The following FARP2 variants were observed in gnomAD, a reference collection of about 807,000 sequenced individuals.
FARP2 encodes the protein FERM, ARH/RhoGEF and pleckstrin domain protein 2.
Under a neutral mutation model 130.5 loss-of-function variants are expected in FARP2, and 111 were observed. The ratio of observed to expected loss-of-function variants is 0.85; its 90% CI spans 0.73 to 1.00. The LOEUF (loss-of-function observed/expected upper bound fraction) is 1.00. Ranked by LOEUF, FARP2 falls within the 50% of genes least tolerant of loss-of-function variation. The probability of loss-of-function intolerance (pLI) is 0.00; values close to 1 mark genes in which losing one functional copy is unlikely to be tolerated. For missense variants in FARP2, 1,385 were observed against 1,346.3 expected, an observed-to-expected ratio of 1.03 and a Z score of -0.45; for synonymous variants, 504 against 516.9, an observed-to-expected ratio of 0.98 and a Z score of 0.34.
chr2:241,396,679 G>A (rs1248376409), intron 2 of FARP2, among the ~76,000 whole-genome samples: 3 of 152,118 alleles, frequency 2.0e-5, no homozygotes, highest in East Asian at 3.8e-4. Flanking sequence ...AAAAGTCAGG[G>A]AGCAACAGGT....
intron 1 of FARP2, among the ~76,000 whole-genome samples, chr2:241,363,138 T>G (rs1470394312): frequency 1.3e-5 from 2 of 152,228 alleles, no homozygotes; most frequent in Admixed American, 6.5e-5. Flanking sequence ...TCCCCTGCCC[T>G]GGACTCTGGC....
intron 1 of FARP2, among the ~76,000 whole-genome samples, chr2:241,372,372 C>T (rs919881894): frequency 6.6e-6 from 1 of 152,112 alleles, no homozygotes; most frequent in Non-Finnish European, 1.5e-5. Flanking sequence ...TCATTCAGTT[C>T]CATATGTGAA....
chr2:241,434,302 G>T lies in FARP2; in HGVS notation c.1012G>T (p.Gly338Cys), dbSNP rs1243590278. The part of the protein sequence containing the change: ...PKAKAVFFSR[G>C]SSFRYSGRTQ... ...AGCAAAAGCCGTCTTCTTCAGCCGG[G>T]GCTCCTCCTTCAGATACAGGTAGGG... Residue 338 changes from glycine (G) to cysteine (C), a missense_variant, in exon 10 of 27, where the codon GGC (glycine) becomes TGC (cysteine). Coordinates refer to ENST00000264042, the MANE Select transcript of FARP2 (RefSeq NM_014808.4). The T allele has an allele frequency of 6.2e-7, 1 of 1,612,398 alleles. No individual in the cohort carries two copies. Among genetic ancestry groups the T allele is most frequent in the South Asian group, 1.1e-5 (1 of 90,652 alleles).
Position 241,441,319 on chromosome 2 carries a change from G to C in FARP2, c.1174G>C (p.Glu392Gln), listed in dbSNP as rs146443541. Residue 392 changes from glutamate to glutamine, a missense_variant, in exon 13 of 27, where the codon GAG becomes CAG. Glu to Gln is a conservative substitution (Grantham distance 29, BLOSUM62 2). Transcript: ENST00000264042. Reference sequence around the variant, plus strand: ...TGGTTCCCAGAGCATCTCATTCCCCGAGGGATTGAGGACTCCTGCCTCCCC... The same window carrying C: ...TGGTTCCCAGAGCATCTCATTCCCCCAGGGATTGAGGACTCCTGCCTCCCC... ...DLPKQSISFPEGLRTPASPSS... is the reference protein window; with the variant it reads ...DLPKQSISFPQGLRTPASPSS... 6.3e-7 allele frequency: 1 copy of C among 1,593,550 alleles called. No homozygotes were observed. The highest frequency in any genetic ancestry group is 1.1e-5 in the South Asian group (1 of 89,390).
intron 4 of FARP2, among the ~76,000 whole-genome samples, chr2:241,406,090 T>G (rs2062333231): frequency 1.3e-5 from 2 of 151,998 alleles, no homozygotes; most frequent in Non-Finnish European, 2.9e-5. Flanking sequence ...GATCACAAGG[T>G]CAGGAGATCG....
At position 241,436,118 on chromosome 2, in the gene FARP2, T is replaced by C. The variant is rs575078996; in HGVS notation, c.1101-363T>C. Among the ~76,000 whole-genome samples, 32 of 149,590 alleles carry C rather than the reference T, an allele frequency of 2.1e-4. No homozygotes were observed. The South Asian group carries it at 6.2e-3, about 29-fold the overall frequency. ...TAATAGAGACGGGGTTTCATAATGT[T>C]AGCCAGGATGGTCTTGATCTGACCT... On this transcript the variant is annotated intron_variant, in intron 11 of 26. Coordinates refer to ENST00000264042, the MANE Select transcript of FARP2 (RefSeq NM_014808.4).
At chr2:241,472,024 G>A (rs1275052224) in intron 18 of FARP2, among the ~76,000 whole-genome samples, 1 of 95,210 alleles carries the variant, frequency 1.1e-5, no homozygotes, top group Admixed American at 1.5e-4. Flanking sequence ...TGTTTTCTGG[G>A]AACACTGTTC....
chr2:241,494,151 C>A lies in FARP2; in HGVS notation c.*26C>A. 1 of 1,380,598 alleles carries A rather than the reference C, an allele frequency of 7.2e-7. No individual in the cohort carries two copies. The highest frequency in any genetic ancestry group is 9.7e-7 in the Non-Finnish European group (1 of 1,033,980). The allele number at this position is 1,380,598 out of a possible 1,614,324, so 85.5% of individuals were successfully genotyped here. A position where few individuals can be genotyped will look rare whatever the true frequency, so the allele number is the denominator to read the frequency against. The stretch of plus-strand genomic sequence containing the variant: ...CGCTCAACCTGCCCAGGTTTGGACA[C>A]AACTACAAAGAACAGCAGGACACAG... On this transcript the variant is annotated 3_prime_UTR_variant, in exon 27 of 27. Coordinates refer to ENST00000264042, the MANE Select transcript of FARP2 (RefSeq NM_014808.4). The surrounding 1 kb of genome is among the most constrained non-coding windows in gnomAD (Gnocchi z 4.9).
At position 241,376,585 on chromosome 2, in the gene FARP2, C is replaced by G. The variant is rs754119387; in HGVS notation, c.183+3295C>G. ...CACAGAGGCAGGCTTGTCCCGCCCCCCTTCCTTGTTGTCTTTGGATCAAGG... is the reference window on the plus strand; with the variant it reads ...CACAGAGGCAGGCTTGTCCCGCCCCGCTTCCTTGTTGTCTTTGGATCAAGG... On this transcript the variant is annotated intron_variant, in intron 2 of 26. Coordinates refer to ENST00000264042, the MANE Select transcript of FARP2 (RefSeq NM_014808.4). 1.4e-3 allele frequency among the ~76,000 whole-genome samples: 207 copies of G among 152,360 alleles called. 1 individual carries two copies. The highest frequency in any genetic ancestry group is 3.4e-3 in the Middle Eastern group (1 of 292).
At position 241,404,789 on chromosome 2, in the gene FARP2, T is replaced by G; in HGVS notation, c.289-10T>G. 1 of 1,596,766 alleles carries G rather than the reference T, an allele frequency of 6.3e-7. No homozygotes were observed. Among genetic ancestry groups the G allele is most frequent in the South Asian group, 1.1e-5 (1 of 90,526 alleles). On this transcript the variant is annotated splice_polypyrimidine_tract_variant and intron_variant, in intron 3 of 26. Coordinates refer to ENST00000264042, the MANE Select transcript of FARP2 (RefSeq NM_014808.4). ...AATAGATTGGATTTCTTCTGTTAAC[T>G]CTTCTTTAGATTTGGCTTGAACCTA...
chr2:241,481,039 T>G (rs1276656043), intron 19 of FARP2, among the ~76,000 whole-genome samples: 3 of 132,498 alleles, frequency 2.3e-5, no homozygotes, highest in Non-Finnish European at 4.6e-5. Context: ...GGCAACATAC[T>G]GATACCTTGT....
At chr2:241,367,095 A>G (rs905913103) in intron 1 of FARP2, among the ~76,000 whole-genome samples, 4 of 151,996 alleles carry the variant, frequency 2.6e-5, no homozygotes, top group Non-Finnish European at 1.5e-5. Flanking sequence ...CCACATATGG[A>G]TCCTCCTCAG....
At chr2:241,361,462 A>G (rs1360819098) in intron 1 of FARP2, among the ~76,000 whole-genome samples, 3 of 152,244 alleles carry the variant, frequency 2.0e-5, no homozygotes, top group Non-Finnish European at 4.4e-5. Context: ...CAAAAATGCC[A>G]GCAGCACCTC....
intron 18 of FARP2, among the ~76,000 whole-genome samples, chr2:241,470,731 C>A (rs1260403137): frequency 6.6e-6 from 1 of 151,268 alleles, no homozygotes; most frequent in African/African-American, 2.4e-5. Context: ...CTGAGGAGGA[C>A]CCTGCTCTGA....
chr2:241,432,439 C>T (rs1230226276), intron 9 of FARP2, among the ~76,000 whole-genome samples: 3 of 152,160 alleles, frequency 2.0e-5, no homozygotes, highest in Admixed American at 2.0e-4. Context: ...ATTGCAGCCT[C>T]TTTGTTCTCT....
intron 22 of FARP2, among the ~76,000 whole-genome samples, chr2:241,490,586 G>A (rs1302197318): frequency 1.3e-5 from 2 of 152,162 alleles, no homozygotes; most frequent in East Asian, 3.9e-4. Flanking sequence ...AGCTCATTTG[G>A]CGGCCAGGAT....
chr2:241,466,912 C>G (rs1005770106), intron 17 of FARP2, among the ~76,000 whole-genome samples: 5 of 151,812 alleles, frequency 3.3e-5, no homozygotes, highest in Non-Finnish European at 7.4e-5. Flanking sequence ...TGGTTTCCGA[C>G]TCAGGCTCCA....
chr2:241,401,276 T>G (rs2062160440), intron 2 of FARP2, among the ~76,000 whole-genome samples: 2 of 152,190 alleles, frequency 1.3e-5, no homozygotes, highest in African/African-American at 4.8e-5. Flanking sequence ...CACATATTGT[T>G]TATTAATTGT....
chr2:241,466,216 G>C, intron 17 of FARP2: 1 of 985,446 alleles, frequency 1.0e-6, no homozygotes, highest in Non-Finnish European at 1.2e-6. Flanking sequence ...TTCCCCCAGA[G>C]CCCGGGCCCC....
Sources: allele counts gnomAD v4.1 joint callset (sites outside exome capture counted in the v4.1 genomes callset), GRCh38; gene constraint gnomAD v4.1.1; non-coding constraint Gnocchi (gnomAD v3.1); transcripts MANE v1.5; gene names NCBI Gene and HGNC (gene_info 2026-07-23, HGNC 2026-07-21).